The following ZIC3 variants were observed in gnomAD, a reference collection of about 807,000 sequenced individuals.
ZIC3 encodes zinc finger protein ZIC 3.
A neutral mutation model predicts 18.3 loss-of-function variants in ZIC3; 6 were observed. The observed-to-expected ratio is 0.33, with a 90% CI of 0.18 to 0.65. ZIC3 has a LOEUF of 0.65. Among genes scored for constraint, ZIC3 ranks in the 30% least tolerant of loss-of-function variants. The pLI is 0.75. For synonymous variants in ZIC3, 175 were observed against 177.0 expected (o/e 0.99, Z 0.09); for missense variants, 260 against 410.0 (o/e 0.63, Z 3.16).
In ZIC3 at chrX:137,571,646, G is replaced by A. The variant is rs1307295809; in HGVS notation, c.*1576G>A. The A allele has an allele frequency of 8.9e-6, 1 of 112,627 alleles. No individual in the cohort carries two copies. The highest frequency in any genetic ancestry group is 1.9e-5 in the Non-Finnish European group (1 of 53,255). The allele number at this position is 112,627 out of a possible 1,213,427, so 9.3% of individuals were successfully genotyped here. A position where few individuals can be genotyped will look rare whatever the true frequency, so the allele number is the denominator to read the frequency against. ...CAAAATATGTATTTTTAAAGTTCAT[G>A]ATTTGTAGGCAAAGATGTTAAGAGC... is the stretch of plus-strand genomic sequence containing the variant. On this transcript the variant is annotated 3_prime_UTR_variant, in exon 3 of 3. Transcript: ENST00000287538.
chrX:137,567,715 T>C lies in ZIC3; in HGVS notation c.1024T>C (p.Ser342Pro). ...GGGCTGCGGGAAGATCTTTGCCCGT[T>C]CTGAGAACCTCAAGATCCACAAGAG... ...FPGCGKIFAR[S>P]ENLKIHKRTH... The change falls in exon 1 of 3, where the codon TCT becomes CCT. Residue 342 changes from serine (S) to proline (P), a missense_variant. Ser to Pro is a moderately conservative substitution (Grantham distance 74). Around this residue, in one of 4 missense-constraint regions of ZIC3, gnomAD observed 52 missense variants for 111.5 expected, o/e 0.47. Coordinates refer to ENST00000287538, the MANE Select transcript of ZIC3 (RefSeq NM_003413.4). The C allele has an allele frequency of 8.3e-7, 1 of 1,212,020 alleles. No homozygotes were observed.
chrX:137,573,070 G>C (rs1297861632), downstream of ZIC3, among the ~76,000 whole-genome samples: 1 of 99,013 alleles, frequency 1.0e-5, no homozygotes, highest in African/African-American at 3.8e-5. Context: ...CTATAATCTG[G>C]CTCTGGGAGT....
At chrX:137,574,900 C>G, downstream of ZIC3, among the ~76,000 whole-genome samples, 1 of 112,329 alleles carries the variant, frequency 8.9e-6, no homozygotes. Context: ...GGCGGTTGAG[C>G]GCAAAATTGT....
exon 3 of ZIC3, chrX:137,577,245 C>A: frequency 1.9e-6 from 1 of 520,385 alleles, no homozygotes; most frequent in East Asian, 3.6e-5. Context: ...TAATGCCGAA[C>A]CTACTGTGCA....
rs1279271810 is a variant in ZIC3 at position 137,569,198 on chromosome X, T to C, written c.1224+133T>C. On this transcript the variant is annotated intron_variant, in intron 2 of 2. Transcript: ENST00000287538. ...CCGATTTGCTCCAGCAGTGACACCT[T>C]GAACCCATTTTGGGGACCGGGCGGG... is the stretch of plus-strand genomic sequence containing the variant. 8.5e-5 allele frequency: 32 copies of C among 374,837 alleles called. No individual in the cohort carries two copies. In the Middle Eastern group the frequency reaches 0.012, roughly 135 times the overall value. The allele number at this position is 374,837 out of a possible 1,213,427, so 30.9% of individuals were successfully genotyped here.
At chrX:137,568,831 CCTG>C in intron 1 of ZIC3, 68 bp from the exon 2 acceptor site, 1 of 1,162,424 alleles carries the variant, frequency 8.6e-7, no homozygotes, top group South Asian at 1.8e-5. Context: ...AGCTCAGTCT[CCTG>C]CTGCTTGCCT....
Position 137,566,783 on chromosome X carries a change from A to T in ZIC3, c.92A>T (p.Glu31Val), listed in dbSNP as rs752686913. The change falls in exon 1 of 3, where the codon GAG becomes GTG. Residue 31 changes from glutamate to valine, a missense_variant. Glu to Val is a moderately radical substitution (Grantham distance 121). Transcript: ENST00000287538. ...APRHHEMPNREPAGMGLNPFG... is the reference protein window; with the variant it reads ...APRHHEMPNRVPAGMGLNPFG... ...CGCCACCACGAGATGCCCAACCGTG[A>T]GCCGGCAGGCATGGGGCTGAATCCC... The T allele has an allele frequency of 5.1e-6, 6 of 1,183,016 alleles. No individual in the cohort carries two copies. Among genetic ancestry groups the T allele is most frequent in the Non-Finnish European group, 6.8e-6 (6 of 882,815 alleles).
At chrX:137,568,311 A>G (rs1327847082) in intron 1 of ZIC3, among the ~76,000 whole-genome samples, 1 of 109,579 alleles carries the variant, frequency 9.1e-6, no homozygotes, top group Non-Finnish European at 1.9e-5. Context: ...ACATCTTGTA[A>G]AACTGTCTGG....
At chrX:137,575,988 C>CA (rs1347039650), downstream of ZIC3, among the ~76,000 whole-genome samples, 1 of 111,011 alleles carries the variant, frequency 9.0e-6, no homozygotes, top group African/African-American at 3.3e-5. Flanking sequence ...GTGATTCCTG[C>CA]AAGTCAAAGG....
chrX:137,567,335 A>C lies in ZIC3; in HGVS notation c.644A>C (p.Gln215Pro). The change falls in exon 1 of 3, where the codon CAG becomes CCG. Residue 215 changes from glutamine to proline, a missense_variant. By Grantham distance (76) the Gln-to-Pro change is moderately conservative. Transcript: ENST00000287538. ...PRTDPYAAGA[Q>P]FPNYSPMNMN... ...ACGGACCCCTACGCGGCCGGCGCTC[A>C]GTTTCCTAACTACAGCCCCATGAAC... The C allele has an allele frequency of 1.7e-6, 2 of 1,211,472 alleles. No homozygotes were observed. Among genetic ancestry groups the C allele is most frequent in the Non-Finnish European group, 2.2e-6 (2 of 895,563 alleles).
downstream of ZIC3, among the ~76,000 whole-genome samples, chrX:137,572,184 TAAAAG>T (rs763849688): frequency 3.5e-5 from 4 of 112,720 alleles, no homozygotes; most frequent in Non-Finnish European, 7.5e-5. Context: ...TTCTGATGAT[TAAAAG>T]AAACTTTGAT....
At chrX:137,573,550 G>GC (rs1340096267), downstream of ZIC3, among the ~76,000 whole-genome samples, 1 of 111,876 alleles carries the variant, frequency 8.9e-6, no homozygotes, top group Non-Finnish European at 1.9e-5. Flanking sequence ...CTGCCTCTTC[G>GC]CCCTGGCTCT....
chrX:137,577,419 G>T (rs1021155053), exon 3 of ZIC3: 1 of 327,639 alleles, frequency 3.1e-6, no homozygotes, highest in East Asian at 4.5e-5. Flanking sequence ...TTTGTGAAAT[G>T]AAAAAGCAAA....
chrX:137,567,676 C>T lies in ZIC3; in HGVS notation c.985C>T (p.Pro329Ser). The change falls in exon 1 of 3, where the codon CCA (proline) becomes TCA (serine). Residue 329 changes from proline to serine, a missense_variant. Pro to Ser is a moderately conservative substitution (Grantham distance 74, BLOSUM62 -1). Coordinates refer to ENST00000287538, the MANE Select transcript of ZIC3 (RefSeq NM_003413.4). ...AGTGCACACGGGCGAGAAGCCCTTC[C>T]CATGCCCCTTCCCGGGCTGCGGGAA... The part of the protein sequence containing the change: ...IRVHTGEKPF[P>S]CPFPGCGKIF... The T allele has an allele frequency of 8.2e-7, 1 of 1,212,346 alleles. No homozygotes were observed. The highest frequency in any genetic ancestry group is 1.1e-6 in the Non-Finnish European group (1 of 895,655).
rs942746649 is a variant in ZIC3 at position 137,570,445 on chromosome X, T to G, written c.*375T>G. ...GGTGATGTTAAACTGATGGAAATTC[T>G]TTTTCGCCTTAGTGGTGATTGTTTA... On this transcript the variant is annotated 3_prime_UTR_variant, in exon 3 of 3. Coordinates refer to ENST00000287538, the MANE Select transcript of ZIC3 (RefSeq NM_003413.4). 1.3e-4 allele frequency: 31 copies of G among 235,627 alleles called. No individual in the cohort carries two copies. Among genetic ancestry groups the G allele is most frequent in the South Asian group, 1.1e-3 (18 of 17,110 alleles). The allele number at this position is 235,627 out of a possible 1,213,427, so 19.4% of individuals were successfully genotyped here. A position where few individuals can be genotyped will look rare whatever the true frequency, so the allele number is the denominator to read the frequency against.
downstream of ZIC3, among the ~76,000 whole-genome samples, chrX:137,575,965 C>T (rs1931509156): frequency 9.0e-6 from 1 of 111,658 alleles, no homozygotes; most frequent in African/African-American, 3.3e-5. Context: ...TATTTTCTGT[C>T]CTTTTCTTAT....
chrX:137,576,843 A>G (rs762604007), downstream of ZIC3, among the ~76,000 whole-genome samples: 2 of 112,378 alleles, frequency 1.8e-5, no homozygotes, highest in East Asian at 5.6e-4. Context: ...AGAGAAATGT[A>G]AGCTTTATAG....
chrX:137,574,728 G>A (rs1931492062), downstream of ZIC3, among the ~76,000 whole-genome samples: 1 of 112,901 alleles, frequency 8.9e-6, no homozygotes, highest in Admixed American at 9.2e-5. Flanking sequence ...ATGTGGGAAG[G>A]GGGGCTGGTT....
Position 137,572,094 on chromosome X carries a change from G to A in ZIC3, c.*2024G>A, listed in dbSNP as rs113057036. 9.0e-5 allele frequency among the ~76,000 whole-genome samples: 10 copies of A among 111,694 alleles called. No homozygotes were observed. Among genetic ancestry groups the A allele is most frequent in the Non-Finnish European group, 1.7e-4 (9 of 53,103 alleles). On this transcript the variant is annotated 3_prime_UTR_variant, in exon 3 of 3. Coordinates refer to ENST00000287538, the MANE Select transcript of ZIC3 (RefSeq NM_003413.4). ...TAAAGTCTTGGCACATCTTATTTAT[G>A]TTATAACATTTTTGTATTTGGTGCC...
Sources: gnomAD v4.1 joint callset for allele counts (sites outside exome capture counted in the v4.1 genomes callset) on GRCh38, gnomAD v4.1.1 for gene constraint, gnomAD v4.1.1 regional missense constraint, MANE v1.5 for transcripts, NCBI Gene and HGNC (gene_info 2026-07-23, HGNC 2026-07-21) for gene names.